The following GASK1A variants were observed in gnomAD, a reference collection of about 807,000 sequenced individuals.
GASK1A encodes the protein golgi associated kinase 1A.
Under a neutral mutation model 41.2 loss-of-function variants are expected in GASK1A, and 40 were observed. The observed-to-expected ratio is 0.97, with a 90% confidence interval of 0.75 to 1.27. GASK1A has a LOEUF of 1.27. GASK1A is among the 50% of genes most tolerant of loss of function. The pLI is 0.00. For missense variants in GASK1A, 678 were observed against 745.1 expected, an observed-to-expected ratio of 0.91 and a Z score of 1.05; for synonymous variants, 316 against 307.1, an observed-to-expected ratio of 1.03 and a Z score of -0.30.
Position 43,032,461 on chromosome 3 carries a change from CAGCCGG to C in GASK1A, c.201_206del (p.Ser67_Arg68del), listed in dbSNP as rs2089581330. On this transcript the variant is annotated inframe_deletion, in exon 2 of 5. Transcript: ENST00000430121. ...CCCATATCCGGCAGGCTTTGAGCTC[CAGCCGG>C]AGGCAGCGGGCAAGAAACATGGGCT... 63 of 1,551,044 alleles carry C rather than the reference CAGCCGG, an allele frequency of 4.1e-5. No individual in the cohort carries two copies. Among genetic ancestry groups the C allele is most frequent in the Non-Finnish European group, 5.4e-5 (62 of 1,146,566 alleles).
intron 1 of GASK1A, among the ~76,000 whole-genome samples, chr3:43,015,144 GAAGGGGCTGTGGGAAGTCACAGA>G (rs1309423308): frequency 6.6e-6 from 1 of 151,938 alleles, no homozygotes; most frequent in East Asian, 1.9e-4. Context: ...GAAGTCACAG[GAAGGGGCTGTGGGAAGTCACAGA>G]AAGGGGCAGG....
chr3:43,035,913 G>A (rs1045493639), intron 2 of GASK1A, among the ~76,000 whole-genome samples: 3 of 152,220 alleles, frequency 2.0e-5, no homozygotes, highest in African/African-American at 4.8e-5. Context: ...GAAGCAGCCT[G>A]GATGGTCTGA....
chr3:43,053,051 AG>A (rs2089698556), intron 2 of GASK1A, among the ~76,000 whole-genome samples: 2 of 152,316 alleles, frequency 1.3e-5, no homozygotes, highest in South Asian at 4.1e-4. Context: ...GGCTTGATTC[AG>A]GCCTGCTGCA....
At chr3:42,986,479 T>A (rs1025577217) in intron 1 of GASK1A, among the ~76,000 whole-genome samples, 3 of 152,196 alleles carry the variant, frequency 2.0e-5, no homozygotes, top group East Asian at 1.9e-4. Flanking sequence ...TAAATTAAAA[T>A]ATATATATAA....
Position 43,032,470 on chromosome 3 carries a change from G to A in GASK1A, c.207G>A (p.Arg69=). 1.9e-6 allele frequency: 3 copies of A among 1,551,200 alleles called. No individual in the cohort carries two copies. In the South Asian group the frequency reaches 3.6e-5, roughly 18 times the overall value. Residue 69 remains arginine (R), a synonymous_variant, in exon 2 of 5, where the codon AGG becomes AGA. Coordinates refer to ENST00000430121, the MANE Select transcript of GASK1A (RefSeq NM_001129908.3). The part of the protein sequence containing the change: ...HIRQALSSSR[R]QRARNMGFWR... ...GGCAGGCTTTGAGCTCCAGCCGGAG[G>A]CAGCGGGCAAGAAACATGGGCTTCT...
chr3:43,027,709 A>T (rs920971563), intron 1 of GASK1A, among the ~76,000 whole-genome samples: 10 of 152,226 alleles, frequency 6.6e-5, no homozygotes, highest in African/African-American at 2.4e-4. Flanking sequence ...CCTAAATATT[A>T]TAAGAAATAT....
intron 1 of GASK1A, among the ~76,000 whole-genome samples, chr3:43,009,999 T>A (rs935783430): frequency 6.6e-6 from 1 of 152,220 alleles, no homozygotes; most frequent in Non-Finnish European, 1.5e-5. Context: ...AATAGAAGGA[T>A]AAAATTGTAA....
intron 1 of GASK1A, among the ~76,000 whole-genome samples, chr3:43,020,527 C>T: frequency 6.6e-6 from 1 of 152,188 alleles, no homozygotes; most frequent in East Asian, 1.9e-4. Context: ...TGCTAACCTG[C>T]CTGCCTGTTA....
rs912018100 is a variant in GASK1A, at chr3:42,984,630, C to A, written c.3+4985C>A. Among the ~76,000 whole-genome samples the A allele has an allele frequency of 1.3e-5, 2 of 152,170 alleles. No individual in the cohort carries two copies. Among genetic ancestry groups the A allele is most frequent in the African/African-American group, 4.8e-5 (2 of 41,424 alleles). On this transcript the variant is annotated intron_variant, in intron 1 of 4. Coordinates refer to ENST00000430121, the MANE Select transcript of GASK1A (RefSeq NM_001129908.3). The surrounding 1 kb of genome is among the most constrained non-coding windows in gnomAD (Gnocchi z 4.2). Reference sequence around the variant, plus strand: ...ACTGAAATGCAGATTCAGTCACTCACCACTTGTAGAGTCCAATTAACAAGA... The same window carrying A: ...ACTGAAATGCAGATTCAGTCACTCAACACTTGTAGAGTCCAATTAACAAGA...
chr3:42,982,670 G>C (rs73070670), intron 1 of GASK1A, among the ~76,000 whole-genome samples: 1 of 152,300 alleles, frequency 6.6e-6, no homozygotes, highest in Non-Finnish European at 1.5e-5. Context: ...ATTATCCATG[G>C]AAATGAGGAC....
chr3:43,055,410 T>C (rs777452528), intron 3 of GASK1A, 22 bp from the exon 4 acceptor site: 44 of 1,536,584 alleles, frequency 2.9e-5, no homozygotes, highest in African/African-American at 2.3e-4. Flanking sequence ...CACCTCTGTC[T>C]CTGTCCACCC....
At chr3:43,045,317 G>C (rs565694459) in intron 2 of GASK1A, among the ~76,000 whole-genome samples, 1 of 152,092 alleles carries the variant, frequency 6.6e-6, no homozygotes, top group Non-Finnish European at 1.5e-5. Context: ...CTTTGGCACA[G>C]AGCTTGGTGT....
At chr3:43,046,873 G>A (rs142564146) in intron 2 of GASK1A, among the ~76,000 whole-genome samples, 35 of 152,316 alleles carry the variant, frequency 2.3e-4, no homozygotes, top group African/African-American at 7.7e-4. Flanking sequence ...GCTTCAGAGG[G>A]TACAAGCCCC....
At chr3:43,000,549 T>C (rs898316482) in intron 1 of GASK1A, among the ~76,000 whole-genome samples, 1 of 152,206 alleles carries the variant, frequency 6.6e-6, no homozygotes, top group Non-Finnish European at 1.5e-5. Flanking sequence ...ACCATGCATT[T>C]CCATATAATT....
At chr3:42,988,873 A>G (rs1258244402) in intron 1 of GASK1A, among the ~76,000 whole-genome samples, 1 of 152,128 alleles carries the variant, frequency 6.6e-6, no homozygotes, top group African/African-American at 2.4e-5. Flanking sequence ...GACAAACCCA[A>G]TGGTTCCACT....
At chr3:43,023,094 A>T (rs2089530043) in intron 1 of GASK1A, among the ~76,000 whole-genome samples, 1 of 152,340 alleles carries the variant, frequency 6.6e-6, no homozygotes. Flanking sequence ...GATCTGATTT[A>T]GGATCTTGAG....
rs664628 is a variant in GASK1A, at chr3:43,056,218, A to G, written c.1560A>G (p.Leu520=). The part of the protein sequence containing the change: ...SAVKVLASGC[L]QNMLLKSLQM... ...TGAAGGTTCTCGCATCAGGGTGTCT[A>G]CAGAACATGCTGCTGAAGTCGCTGC... The change falls in exon 5 of 5, where the codon CTA becomes CTG. Residue 520 remains leucine (L), a synonymous_variant. Transcript: ENST00000430121. 589,800 of 1,551,172 alleles carry G rather than the reference A, an allele frequency of 0.38. 115,244 individuals are homozygous for G. Among genetic ancestry groups the G allele is most frequent in the East Asian group, 0.56 (22,995 of 40,892 alleles).
At chr3:42,987,985 C>T (rs1161174016) in intron 1 of GASK1A, among the ~76,000 whole-genome samples, 2 of 34,880 alleles carry the variant, frequency 5.7e-5, no homozygotes, top group Admixed American at 4.3e-4. Flanking sequence ...GGCGACAGAG[C>T]GAGACTCTAG....
At chr3:43,007,099 A>G (rs189367422) in intron 1 of GASK1A, among the ~76,000 whole-genome samples, 8 of 152,326 alleles carry the variant, frequency 5.3e-5, no homozygotes, top group Admixed American at 3.3e-4. Context: ...TTTGCTTTTA[A>G]TGGCTGCAGC....
Sources: allele counts gnomAD v4.1 joint callset (sites outside exome capture counted in the v4.1 genomes callset), GRCh38; gene constraint gnomAD v4.1.1; non-coding constraint Gnocchi (gnomAD v3.1); transcripts MANE v1.5; gene names NCBI Gene and HGNC (gene_info 2026-07-23, HGNC 2026-07-21).